The following UGT1A10 variants were observed in gnomAD, a reference collection of about 807,000 sequenced individuals.
UGT1A10 encodes UDP-glucuronosyltransferase 1A10.
In UGT1A10, 49 loss-of-function variants were observed where a neutral mutation model predicts 45.8. The observed-to-expected ratio is 1.07, with a 90% CI of 0.85 to 1.36. UGT1A10 has a LOEUF of 1.36. Ranked by LOEUF, UGT1A10 falls within the 40% of genes most tolerant of loss-of-function variation. The pLI is 0.00. For missense variants in UGT1A10, 745 were observed against 668.6 expected, an observed-to-expected ratio of 1.11 and a Z score of -1.26; for synonymous variants, 284 against 249.7, an observed-to-expected ratio of 1.14 and a Z score of -1.29.
chr2:233,697,795 A>AT (rs912508781), intron 1 of UGT1A10, among the ~76,000 whole-genome samples: 1 of 152,102 alleles, frequency 6.6e-6, no homozygotes, highest in Non-Finnish European at 1.5e-5. Flanking sequence ...GTTTCAAGTA[A>AT]TTTTTAAATT....
At chr2:233,724,265 G>C (rs1471463851) in intron 1 of UGT1A10, among the ~76,000 whole-genome samples, 1 of 132,982 alleles carries the variant, frequency 7.5e-6, no homozygotes, top group African/African-American at 2.9e-5. Context: ...CCTCCCGGAC[G>C]GGGCGGCTGG....
chr2:233,769,998 C>A lies in UGT1A10; in HGVS notation c.1295+1559C>A. The stretch of plus-strand genomic sequence containing the variant: ...AGGATGTCCTGCTCACATATCAATA[C>A]CATTAAAACCTGACTTCTTTCCCTG... On this transcript the variant is annotated intron_variant, in intron 4 of 4. Coordinates refer to ENST00000344644, the MANE Select transcript of UGT1A10 (RefSeq NM_019075.4). The surrounding 1 kb of genome is among the most constrained non-coding windows in gnomAD (Gnocchi z 4.4). 5.7e-6 allele frequency: 1 copy of A among 174,584 alleles called. No homozygotes were observed. The highest frequency in any genetic ancestry group is 1.2e-5 in the Non-Finnish European group (1 of 82,536). The allele number at this position is 174,584 out of a possible 1,614,324, so 10.8% of individuals were successfully genotyped here. A position where few individuals can be genotyped will look rare whatever the true frequency, so the allele number is the denominator to read the frequency against.
Position 233,729,529 on chromosome 2 carries a change from G to A in UGT1A10, c.856-37505G>A, listed in dbSNP as rs764609992. 2.5e-6 allele frequency: 4 copies of A among 1,614,202 alleles called. No homozygotes were observed. The South Asian group carries it at 3.3e-5, about 13-fold the overall frequency. On this transcript the variant is annotated intron_variant, in intron 1 of 4. Coordinates refer to ENST00000344644, the MANE Select transcript of UGT1A10 (RefSeq NM_019075.4). ...GTCTTGTGTGGAGCTACTACATAAT[G>A]AGGCCCTGATCAGGCACCTGAATGC...
chr2:233,743,797 C>T (rs1382716558), intron 1 of UGT1A10: 8 of 1,367,342 alleles, frequency 5.9e-6, no homozygotes, highest in Non-Finnish European at 7.8e-6. Flanking sequence ...TCTCCGCTTC[C>T]TCCTTGTTCT....
chr2:233,686,575 T>C (rs186664969), intron 1 of UGT1A10, among the ~76,000 whole-genome samples: 6 of 152,260 alleles, frequency 3.9e-5, no homozygotes, highest in African/African-American at 1.2e-4. Flanking sequence ...CAGAAGTTAG[T>C]GTGGATTACT....
chr2:233,724,346 C>T (rs1441595042), intron 1 of UGT1A10, among the ~76,000 whole-genome samples: 2 of 148,086 alleles, frequency 1.4e-5, no homozygotes, highest in Admixed American at 6.7e-5. Context: ...GCTGACCCCC[C>T]CCACCTCCCT....
intron 1 of UGT1A10, among the ~76,000 whole-genome samples, chr2:233,703,636 A>G (rs1485520646): frequency 2.0e-5 from 3 of 152,118 alleles, no homozygotes; most frequent in Admixed American, 2.0e-4. Context: ...TGATATTAGT[A>G]TAACCAATCT....
At chr2:233,699,885 G>A (rs2075529887) in intron 1 of UGT1A10, among the ~76,000 whole-genome samples, 1 of 152,260 alleles carries the variant, frequency 6.6e-6, no homozygotes, top group South Asian at 2.1e-4. Flanking sequence ...TGTTGCAATT[G>A]GAGAGGCGAA....
chr2:233,757,558 A>ATATATATATATATATATATATATC (rs1553619909), intron 1 of UGT1A10, among the ~76,000 whole-genome samples: 1 of 124,446 alleles, frequency 8.0e-6, no homozygotes, highest in African/African-American at 3.3e-5. Context: ...ATATATATAT[A>ATATATATATATATATATATATATC]TATGTATATA....
intron 1 of UGT1A10, among the ~76,000 whole-genome samples, chr2:233,707,503 C>T (rs2075965043): frequency 6.7e-6 from 1 of 148,792 alleles, no homozygotes; most frequent in Non-Finnish European, 1.5e-5. Flanking sequence ...CGGTACTTAA[C>T]ATAAATAGAA....
Position 233,718,831 on chromosome 2 carries a change from G to A in UGT1A10, c.856-48203G>A, listed in dbSNP as rs1317647482. ...GTGGCTTCTGCTGAGATGGCCAGAG[G>A]ACTCCAGGTTCCCCTGCCGCGGCTG... is the stretch of plus-strand genomic sequence containing the variant. On this transcript the variant is annotated intron_variant, in intron 1 of 4. Transcript: ENST00000344644. 1 of 1,613,578 alleles carries A rather than the reference G, an allele frequency of 6.2e-7. No homozygotes were observed. Among genetic ancestry groups the A allele is most frequent in the Non-Finnish European group, 8.5e-7 (1 of 1,179,966 alleles).
At chr2:233,736,391 T>G (rs923297750) in intron 1 of UGT1A10, among the ~76,000 whole-genome samples, 3 of 152,222 alleles carry the variant, frequency 2.0e-5, no homozygotes, top group African/African-American at 7.2e-5. Flanking sequence ...CTACAGTGTT[T>G]ATTCTAGTTA....
At chr2:233,748,206 C>A (rs553740973) in intron 1 of UGT1A10, 35 of 1,508,468 alleles carry the variant, frequency 2.3e-5, no homozygotes, top group Admixed American at 4.0e-5. Context: ...GTCGTAATAG[C>A]CTTCAGTGAG....
chr2:233,749,297 T>C (rs761343175), intron 1 of UGT1A10, among the ~76,000 whole-genome samples: 35 of 151,972 alleles, frequency 2.3e-4, no homozygotes, highest in Non-Finnish European at 4.0e-4. Flanking sequence ...TATTCAATTA[T>C]AAAATATGTG....
intron 1 of UGT1A10, among the ~76,000 whole-genome samples, chr2:233,725,317 C>CAGA (rs1559370683): frequency 2.7e-5 from 1 of 37,458 alleles, no homozygotes; most frequent in Admixed American, 2.3e-4. Flanking sequence ...GAGGCAGAGG[C>CAGA]GCCTGGTCAA....
intron 1 of UGT1A10, among the ~76,000 whole-genome samples, chr2:233,666,187 A>G (rs1322322337): frequency 6.6e-6 from 1 of 152,082 alleles, no homozygotes; most frequent in African/African-American, 2.4e-5. Flanking sequence ...TTTTTTTAAT[A>G]ATCAGTTCTT....
intron 1 of UGT1A10, among the ~76,000 whole-genome samples, chr2:233,678,685 A>G (rs1271461775): frequency 1.3e-5 from 2 of 151,930 alleles, no homozygotes; most frequent in East Asian, 1.9e-4. Context: ...TGTAAGGCCA[A>G]TTTTTTTTCT....
intron 1 of UGT1A10, among the ~76,000 whole-genome samples, chr2:233,647,100 C>T (rs186577515): frequency 2.0e-5 from 3 of 152,162 alleles, no homozygotes; most frequent in African/African-American, 4.8e-5. Flanking sequence ...AGGAAAACTT[C>T]CATTTTTAAA....
rs544391179 is a variant in UGT1A10 at position 233,657,428 on chromosome 2, T to C, written c.855+20051T>C. On this transcript the variant is annotated intron_variant, in intron 1 of 4. Coordinates refer to ENST00000344644, the MANE Select transcript of UGT1A10 (RefSeq NM_019075.4). ...GGCAGAAGGTGAATGTGGAAGGTGC[T>C]GATCACAAGGTGAGAAAGAAGCAAG... 2.0e-5 allele frequency among the ~76,000 whole-genome samples: 3 copies of C among 152,322 alleles called. No individual in the cohort carries two copies. In the East Asian group the frequency reaches 5.8e-4, roughly 29 times the overall value.
Sources: gnomAD v4.1 joint callset for allele counts (sites outside exome capture counted in the v4.1 genomes callset) on GRCh38, gnomAD v4.1.1 for gene constraint, Gnocchi (gnomAD v3.1) non-coding constraint, MANE v1.5 for transcripts, NCBI Gene and HGNC (gene_info 2026-07-23, HGNC 2026-07-21) for gene names.